PPP2R2B: variants seen among roughly 807,000 people sequenced by gnomAD.
The protein encoded by PPP2R2B is protein phosphatase 2 regulatory subunit Bbeta.
PPP2R2B carries 5 observed loss-of-function variants against 46.0 expected under a neutral mutation model. The observed-to-expected ratio is 0.11, with a 90% CI of 0.06 to 0.23. PPP2R2B has a LOEUF of 0.23. Among genes scored for constraint, PPP2R2B ranks in the 10% least tolerant of loss-of-function variants. PPP2R2B has a pLI of 1.00. For missense variants in PPP2R2B, 367 were observed against 575.0 expected (o/e 0.64, Z 3.70); for synonymous variants, 215 against 206.7 (o/e 1.04, Z -0.34).
intron 2 of PPP2R2B, among the ~76,000 whole-genome samples, chr5:147,068,079 C>T (rs533448247): frequency 6.6e-6 from 1 of 152,158 alleles, no homozygotes; most frequent in South Asian, 2.1e-4. Flanking sequence ...CTAAACTTAG[C>T]AAATATTAAA....
Position 146,587,129 on chromosome 5 carries a change from A to T in PPP2R2B, c.*2818T>A, listed in dbSNP as rs529054037. ...CAAGGTAGCAAATCAGCCTTCAAGTAGTTTTTAGTGTCAGCAGGAAAACAG... is the reference window on the plus strand; with the variant it reads ...CAAGGTAGCAAATCAGCCTTCAAGTTGTTTTTAGTGTCAGCAGGAAAACAG... On this transcript the variant is annotated 3_prime_UTR_variant, in exon 10 of 10. Coordinates refer to ENST00000394411, the MANE Select transcript of PPP2R2B (RefSeq NM_181675.4). The T allele has an allele frequency of 2.6e-5, 4 of 152,348 alleles. No individual in the cohort carries two copies. Among genetic ancestry groups the T allele is most frequent in the Admixed American group, 2.6e-4 (4 of 15,304 alleles). 9.4% of individuals were successfully genotyped at this position (152,348 alleles called of 1,614,324 possible).
chr5:146,696,452 A>G (rs1429380437), intron 4 of PPP2R2B, among the ~76,000 whole-genome samples: 1 of 152,234 alleles, frequency 6.6e-6, no homozygotes, highest in South Asian at 2.1e-4. Flanking sequence ...ATTTGAGAAT[A>G]TAAAGTGAGT....
intron 1 of PPP2R2B, among the ~76,000 whole-genome samples, chr5:147,012,556 G>A (rs1342148816): frequency 1.3e-5 from 2 of 152,008 alleles, no homozygotes; most frequent in Non-Finnish European, 2.9e-5. Flanking sequence ...TTTTTTGAAG[G>A]GATTTTTTGT....
At position 146,934,829 on chromosome 5, in the gene PPP2R2B, G is replaced by A. The variant is rs547237173; in HGVS notation, c.79+120836C>T. 2.6e-4 allele frequency among the ~76,000 whole-genome samples: 39 copies of A among 151,928 alleles called. No individual in the cohort carries two copies. In the East Asian group the frequency reaches 3.3e-3, roughly 13 times the overall value. On this transcript the variant is annotated intron_variant, in intron 1 of 8. Transcript: ENST00000336640. ...CTATTATTCTAACAACATAGAGCAC[G>A]TTCTTCCAGATCACCAGCTGATAAT...
At chr5:147,004,610 C>A (rs1754342918) in intron 1 of PPP2R2B, among the ~76,000 whole-genome samples, 1 of 152,118 alleles carries the variant, frequency 6.6e-6, no homozygotes, top group Non-Finnish European at 1.5e-5. Flanking sequence ...AAGTCCCATA[C>A]CCTTATTAGG....
intron 2 of PPP2R2B, among the ~76,000 whole-genome samples, chr5:146,821,043 G>A (rs1371487351): frequency 1.3e-5 from 2 of 151,922 alleles, no homozygotes; most frequent in African/African-American, 4.8e-5. Context: ...CCTTGACAGT[G>A]GTACATTCAG....
At chr5:146,591,790 G>T (rs1219646129) in intron 9 of PPP2R2B, among the ~76,000 whole-genome samples, 1 of 150,784 alleles carries the variant, frequency 6.6e-6, no homozygotes, top group Non-Finnish European at 1.5e-5. Context: ...TGTTACTTTT[G>T]TCTCTACTAC....
intron 1 of PPP2R2B, among the ~76,000 whole-genome samples, chr5:147,018,336 T>A (rs1324721187): frequency 6.6e-6 from 1 of 152,136 alleles, no homozygotes; most frequent in Non-Finnish European, 1.5e-5. Context: ...AAGGCAGTAT[T>A]TTCCTGTCTT....
chr5:146,881,273 G>A (rs319208), upstream of PPP2R2B, among the ~76,000 whole-genome samples: 11 of 152,024 alleles, frequency 7.2e-5, no homozygotes, highest in Non-Finnish European at 5.9e-5. Flanking sequence ...CTGACCACAC[G>A]ATAGTCCTGA....
intron 2 of PPP2R2B, among the ~76,000 whole-genome samples, chr5:146,814,875 C>G (rs982802054): frequency 2.0e-5 from 3 of 152,190 alleles, no homozygotes; most frequent in African/African-American, 7.2e-5. Flanking sequence ...TGGCCCTCTT[C>G]CAAGTGCACT....
chr5:146,965,567 A>G (rs1304220552), intron 1 of PPP2R2B, among the ~76,000 whole-genome samples: 2 of 152,178 alleles, frequency 1.3e-5, no homozygotes, highest in Non-Finnish European at 2.9e-5. Context: ...TCATAGTCAG[A>G]AAACTCTGCT....
At chr5:146,636,254 G>A (rs1467485140) in intron 7 of PPP2R2B, among the ~76,000 whole-genome samples, 1 of 152,164 alleles carries the variant, frequency 6.6e-6, no homozygotes, top group Admixed American at 6.5e-5. Flanking sequence ...TTGGGCGTTA[G>A]GAAGAGGGGA....
intron 1 of PPP2R2B, among the ~76,000 whole-genome samples, chr5:146,930,921 G>T (rs4705122): frequency 0.22 from 32,989 of 152,000 alleles, 3,833 homozygotes; most frequent in East Asian, 0.38. Context: ...ATACCACATG[G>T]TATTACTTTT....
At chr5:146,905,260 C>T (rs918960602) in intron 1 of PPP2R2B, among the ~76,000 whole-genome samples, 2 of 152,152 alleles carry the variant, frequency 1.3e-5, no homozygotes, top group East Asian at 3.8e-4. Context: ...ACACACCATT[C>T]AATCCACTCC....
intron 1 of PPP2R2B, among the ~76,000 whole-genome samples, chr5:146,962,217 TG>T (rs1561543296): frequency 5.3e-5 from 8 of 150,338 alleles, no homozygotes; most frequent in Non-Finnish European, 1.0e-4. Context: ...TTTTTTTCTT[TG>T]GGTCAGTTCA....
In PPP2R2B at chr5:147,023,490, A is replaced by G. The variant is rs145879857; in HGVS notation, c.79+32175T>C. ...ACCCAACTAAATACTGCCTAAAAAT[A>G]TACACTTTAAATATAAAACATAGGT... On this transcript the variant is annotated intron_variant, in intron 1 of 8. Coordinates refer to the PPP2R2B transcript ENST00000336640. 2.2e-3 allele frequency among the ~76,000 whole-genome samples: 337 copies of G among 152,336 alleles called. 2 individuals are homozygous for G. Among genetic ancestry groups the G allele is most frequent in the African/African-American group, 7.9e-3 (329 of 41,578 alleles).
At chr5:147,051,753 C>CTTTTT (rs60522229) in intron 1 of PPP2R2B, among the ~76,000 whole-genome samples, 5 of 92,366 alleles carry the variant, frequency 5.4e-5, no homozygotes, top group Non-Finnish European at 8.1e-5. Flanking sequence ...GTTTTGCTTC[C>CTTTTT]TTTTTTTTTT....
chr5:146,963,230 T>G (rs114159643), intron 1 of PPP2R2B, among the ~76,000 whole-genome samples: 1 of 152,178 alleles, frequency 6.6e-6, no homozygotes, highest in Non-Finnish European at 1.5e-5. Context: ...GTGCAGACAA[T>G]CATTGCATGA....
intron 7 of PPP2R2B, among the ~76,000 whole-genome samples, chr5:146,635,597 A>G (rs1036314313): frequency 5.9e-5 from 9 of 152,092 alleles, no homozygotes; most frequent in Admixed American, 3.3e-4. Flanking sequence ...CCTGGCCTCC[A>G]CCCTGGGTTG....
Sources: allele counts gnomAD v4.1 joint callset (sites outside exome capture counted in the v4.1 genomes callset), GRCh38; gene constraint gnomAD v4.1.1; transcripts MANE v1.5; gene names NCBI Gene and HGNC (gene_info 2026-07-23, HGNC 2026-07-21).